The following NKAIN2 variants were observed in gnomAD, a reference collection of about 807,000 sequenced individuals.
NKAIN2 encodes the protein sodium/potassium-transporting ATPase subunit beta-1-interacting protein 2.
In NKAIN2, 14 loss-of-function variants were observed where a neutral mutation model predicts 32.6. The observed-to-expected ratio is 0.43, with a 90% CI of 0.28 to 0.67. The LOEUF (loss-of-function observed/expected upper bound fraction) is 0.67. Among genes scored for constraint, NKAIN2 ranks in the 30% least tolerant of loss-of-function variants. The pLI is 0.17. For synonymous variants in NKAIN2, 80 were observed against 87.2 expected, an observed-to-expected ratio of 0.92 and a Z score of 0.46; for missense variants, 198 against 258.3, an observed-to-expected ratio of 0.77 and a Z score of 1.60.
rs920575925 is a variant in NKAIN2, at chr6:124,600,018, A to G, written c.274-58168A>G. Among the ~76,000 whole-genome samples the G allele has an allele frequency of 5.3e-5, 8 of 152,238 alleles. No homozygotes were observed. In the South Asian group the frequency reaches 8.3e-4, roughly 16 times the overall value. Reference sequence around the variant, plus strand: ...TTTCCAGAGCTCCCAAATGGATTTCATTATCTTGGGAAAGAGGTGTGAAAG... The same window carrying G: ...TTTCCAGAGCTCCCAAATGGATTTCGTTATCTTGGGAAAGAGGTGTGAAAG... On this transcript the variant is annotated intron_variant, in intron 3 of 6. Coordinates refer to ENST00000368417, the MANE Select transcript of NKAIN2 (RefSeq NM_001040214.3).
chr6:123,907,041 C>G (rs1424894812), intron 1 of NKAIN2, among the ~76,000 whole-genome samples: 1 of 152,170 alleles, frequency 6.6e-6, no homozygotes, highest in African/African-American at 2.4e-5. Flanking sequence ...TCTGTTGTAT[C>G]TGATCTCCTG....
intron 1 of NKAIN2, among the ~76,000 whole-genome samples, chr6:124,143,522 A>C: frequency 6.6e-6 from 1 of 152,056 alleles, no homozygotes; most frequent in East Asian, 1.9e-4. Context: ...ATTTCTAAGC[A>C]AACAAGGAAT....
At chr6:124,571,292 G>A (rs1419206909) in intron 3 of NKAIN2, among the ~76,000 whole-genome samples, 1 of 152,096 alleles carries the variant, frequency 6.6e-6, no homozygotes, top group Admixed American at 6.5e-5. Flanking sequence ...GGGGACTGTT[G>A]GGAAGGCATG....
At chr6:124,025,459 GA>G (rs5879714) in intron 1 of NKAIN2, among the ~76,000 whole-genome samples, 52,670 of 149,154 alleles carry the variant, frequency 0.35, 9,434 homozygotes, top group Non-Finnish European at 0.4. Flanking sequence ...GAATGGAAAG[GA>G]AAAAAAAAAA....
chr6:124,401,952 T>C (rs1269884236), intron 3 of NKAIN2, among the ~76,000 whole-genome samples: 4 of 152,198 alleles, frequency 2.6e-5, no homozygotes, highest in Admixed American at 2.0e-4. Context: ...GCATTTTGTG[T>C]CCTGTTTAAG....
At chr6:124,808,396 T>C (rs1277032515) in intron 5 of NKAIN2, among the ~76,000 whole-genome samples, 2 of 152,106 alleles carry the variant, frequency 1.3e-5, no homozygotes, top group African/African-American at 4.8e-5. Flanking sequence ...ATGACTATCT[T>C]AATAGATGCA....
chr6:124,576,635 A>C (rs1185429795), intron 3 of NKAIN2, among the ~76,000 whole-genome samples: 1 of 152,170 alleles, frequency 6.6e-6, no homozygotes, highest in Non-Finnish European at 1.5e-5. Flanking sequence ...ATAATTTCAA[A>C]ATATCATGCC....
chr6:124,706,645 A>G (rs532468714), intron 4 of NKAIN2, among the ~76,000 whole-genome samples: 16 of 152,328 alleles, frequency 1.1e-4, no homozygotes, highest in Non-Finnish European at 1.5e-4. Flanking sequence ...GAAAGCAGAT[A>G]GAAAAGTCTC....
intron 4 of NKAIN2, among the ~76,000 whole-genome samples, chr6:124,710,445 T>C (rs1231525123): frequency 6.6e-6 from 1 of 151,094 alleles, no homozygotes; most frequent in Non-Finnish European, 1.5e-5. Flanking sequence ...AAGTCTCCCA[T>C]TATTAATGCG....
chr6:124,083,626 G>A (rs1251493227), intron 1 of NKAIN2, among the ~76,000 whole-genome samples: 2 of 151,842 alleles, frequency 1.3e-5, no homozygotes, highest in African/African-American at 4.8e-5. Flanking sequence ...ACCTATTAAT[G>A]TTTTCAAAGT....
At chr6:124,797,795 A>G (rs1780066659) in intron 5 of NKAIN2, among the ~76,000 whole-genome samples, 1 of 152,126 alleles carries the variant, frequency 6.6e-6, no homozygotes, top group Non-Finnish European at 1.5e-5. Context: ...CGTACTCTCA[A>G]CCATGGGGGA....
chr6:124,355,211 C>T (rs1448105733), intron 2 of NKAIN2, 56 bp from the exon 3 acceptor site: 1 of 1,156,958 alleles, frequency 8.6e-7, no homozygotes, highest in Non-Finnish European at 1.3e-6. Context: ...TTATTTGAAT[C>T]ATACTCAACT....
At chr6:124,336,472 GTGTTACTTTGTGGGGA>G (rs1285730586) in intron 2 of NKAIN2, among the ~76,000 whole-genome samples, 2 of 152,128 alleles carry the variant, frequency 1.3e-5, no homozygotes. Context: ...TGTGTCTAAT[GTGTTACTTTGTGGGGA>G]TTTGAAAGAA....
chr6:124,797,718 A>T (rs918367469), intron 5 of NKAIN2, among the ~76,000 whole-genome samples: 5 of 152,086 alleles, frequency 3.3e-5, no homozygotes, highest in Non-Finnish European at 7.4e-5. Context: ...TCCATTCTGT[A>T]TGTTTTTATC....
chr6:124,598,218 A>G (rs370469331), intron 3 of NKAIN2, among the ~76,000 whole-genome samples: 9 of 152,180 alleles, frequency 5.9e-5, no homozygotes, highest in East Asian at 1.9e-4. Context: ...GAATGCCTCT[A>G]TGTTTTTTAG....
intron 3 of NKAIN2, among the ~76,000 whole-genome samples, chr6:124,644,663 C>A (rs113989818): frequency 8.5e-5 from 13 of 152,266 alleles, no homozygotes; most frequent in South Asian, 4.1e-4. Flanking sequence ...CTCGGCCCCC[C>A]CAAAGTGCTG....
chr6:124,506,850 C>T (rs1778505501), intron 3 of NKAIN2, among the ~76,000 whole-genome samples: 1 of 152,254 alleles, frequency 6.6e-6, no homozygotes, highest in South Asian at 2.1e-4. Flanking sequence ...CATTGCTGAT[C>T]CCCACCCTCC....
At chr6:124,403,059 T>G (rs1773696016) in intron 3 of NKAIN2, among the ~76,000 whole-genome samples, 1 of 152,152 alleles carries the variant, frequency 6.6e-6, no homozygotes, top group Admixed American at 6.6e-5. Context: ...ATCATCTTAT[T>G]TTTGTATCAG....
intron 4 of NKAIN2, among the ~76,000 whole-genome samples, chr6:124,686,931 G>A (rs2114521123): frequency 6.6e-6 from 1 of 152,092 alleles, no homozygotes; most frequent in African/African-American, 2.4e-5. Context: ...ATAGAAAGCA[G>A]GCAGAAAAAC....
Sources: gnomAD v4.1 joint callset for allele counts (sites outside exome capture counted in the v4.1 genomes callset) on GRCh38, gnomAD v4.1.1 for gene constraint, MANE v1.5 for transcripts, NCBI Gene and HGNC (gene_info 2026-07-23, HGNC 2026-07-21) for gene names.